NCOR2: variants seen among roughly 807,000 people sequenced by gnomAD.
The protein encoded by NCOR2 is CTG repeat protein 26.
A neutral mutation model predicts 262.9 loss-of-function variants in NCOR2; 81 were observed. The ratio of observed to expected loss-of-function variants is 0.31; its 90% CI spans 0.26 to 0.37. The LOEUF (loss-of-function observed/expected upper bound fraction) is 0.37. Ranked by LOEUF, NCOR2 falls within the 10% of genes least tolerant of loss-of-function variation. The probability of loss-of-function intolerance (pLI) is 1.00; values close to 1 mark genes in which losing one functional copy is unlikely to be tolerated. For missense variants in NCOR2, 3,385 were observed against 3,621.4 expected, an observed-to-expected ratio of 0.93 and a Z score of 1.68; for synonymous variants, 1,659 against 1,559.3, an observed-to-expected ratio of 1.06 and a Z score of -1.51.
chr12:124,329,486 A>C (rs753364195), intron 44 of NCOR2, among the ~76,000 whole-genome samples: 1 of 152,036 alleles, frequency 6.6e-6, no homozygotes, highest in East Asian at 1.9e-4. Context: ...AACAAACACA[A>C]AAAACAAAAA....
At chr12:124,411,207 T>G in intron 13 of NCOR2, among the ~76,000 whole-genome samples, 1 of 140,938 alleles carries the variant, frequency 7.1e-6, no homozygotes, top group Admixed American at 7.1e-5. Flanking sequence ...CACAGAGAAA[T>G]AGAAAGAGGG....
intron 5 of NCOR2, among the ~76,000 whole-genome samples, chr12:124,462,167 G>C (rs1316798955): frequency 2.0e-5 from 3 of 152,100 alleles, no homozygotes; most frequent in Non-Finnish European, 4.4e-5. Context: ...ATACACACGT[G>C]TACCCACAGG....
intron 1 of NCOR2, chr12:124,518,192 ACT>A (rs1461912800): frequency 6.6e-6 from 1 of 152,266 alleles, no homozygotes; most frequent in Non-Finnish European, 1.5e-5. Context: ...ACTTGAAGTA[ACT>A]CTCTCACAAG....
chr12:124,422,234 C>T (rs919098033), intron 12 of NCOR2, among the ~76,000 whole-genome samples: 4 of 152,230 alleles, frequency 2.6e-5, no homozygotes, highest in Non-Finnish European at 5.9e-5. Context: ...CCTGGCCGTG[C>T]AGCTCTCCCT....
At chr12:124,495,957 G>A (rs1396311682), upstream of NCOR2, among the ~76,000 whole-genome samples, 1 of 152,172 alleles carries the variant, frequency 6.6e-6, no homozygotes, top group East Asian at 1.9e-4. This position sits in a 1 kb window ranked among gnomAD's most constrained non-coding sequence, Gnocchi z 4.4. Context: ...GGTGGGATTA[G>A]GACATGGAGG....
In NCOR2 at chr12:124,454,870, A is replaced by G. The variant is rs2045749923; in HGVS notation, c.762+2236T>C. ...GCACACTAATGTTCACAGCAACTTTATTCACAATACCCCAAATATGCAAAC... is the reference window on the plus strand; with the variant it reads ...GCACACTAATGTTCACAGCAACTTTGTTCACAATACCCCAAATATGCAAAC... On this transcript the variant is annotated intron_variant, in intron 6 of 46. Coordinates refer to ENST00000405201, the Ensembl canonical transcript of NCOR2. The surrounding 1 kb of genome is among the most constrained non-coding windows in gnomAD (Gnocchi z 5.6). 6.6e-6 allele frequency among the ~76,000 whole-genome samples: 1 copy of G among 152,236 alleles called. No individual in the cohort carries two copies. The highest frequency in any genetic ancestry group is 1.5e-5 in the Non-Finnish European group (1 of 68,048).
In NCOR2 at chr12:124,517,927, G is replaced by T. The variant is rs1566018793; in HGVS notation, c.-118+17638C>A. Reference sequence around the variant, plus strand: ...TCCAGCTGCCCCCATTGGCTGACCTGCGGCCGGCCACTCAGCCCCCAGCCC... The same window carrying T: ...TCCAGCTGCCCCCATTGGCTGACCTTCGGCCGGCCACTCAGCCCCCAGCCC... On this transcript the variant is annotated intron_variant, in intron 1 of 46. Coordinates refer to the NCOR2 transcript ENST00000404621. The surrounding 1 kb of genome is among the most constrained non-coding windows in gnomAD (Gnocchi z 7.6). Among the ~76,000 whole-genome samples, 1 of 152,062 alleles carries T rather than the reference G, an allele frequency of 6.6e-6. No homozygotes were observed. The highest frequency in any genetic ancestry group is 2.4e-5 in the African/African-American group (1 of 41,408).
In NCOR2 at chr12:124,340,263, G is replaced by A. The variant is rs368053780; in HGVS notation, c.5488+31C>T. On this transcript the variant is annotated intron_variant, in intron 36 of 46. Coordinates refer to ENST00000405201, the Ensembl canonical transcript of NCOR2. ...CCTCTTGCGGCCCACAAGGAGTCCC[G>A]GAGCGGGGGGTGGGGGCTCTGATGC... 1.7e-4 allele frequency: 269 copies of A among 1,606,738 alleles called. No individual in the cohort carries two copies. The East Asian group carries it at 2.3e-3, about 14-fold the overall frequency.
chr12:124,489,089 G>A (rs1163247037), intron 1 of NCOR2, among the ~76,000 whole-genome samples: 2 of 151,986 alleles, frequency 1.3e-5, no homozygotes, highest in Non-Finnish European at 2.9e-5. Flanking sequence ...CCCCCAACAA[G>A]AGTACCTGGA....
At chr12:124,403,979 C>T (rs2042126169) in intron 13 of NCOR2, among the ~76,000 whole-genome samples, 2 of 152,034 alleles carry the variant, frequency 1.3e-5, no homozygotes, top group Admixed American at 1.3e-4. Flanking sequence ...CTGGAACAGA[C>T]CCCCCGGCCC....
intron 32 of NCOR2, 69 bp from the exon 35 acceptor site, chr12:124,343,295 G>A (rs1343918844): frequency 1.5e-6 from 2 of 1,315,416 alleles, no homozygotes; most frequent in East Asian, 5.0e-5. Context: ...TTTGAGGATA[G>A]GGACCTCGGG....
At chr12:124,468,126 A>C (rs1361189528) in intron 4 of NCOR2, among the ~76,000 whole-genome samples, 1 of 32,294 alleles carries the variant, frequency 3.1e-5, no homozygotes, top group Non-Finnish European at 5.3e-5. Context: ...TCACCCCTTC[A>C]TCCTCATCCT....
rs1593109676 is a variant in NCOR2, at chr12:124,337,423, A to G, written c.5688-243T>C. 8.7e-6 allele frequency: 6 copies of G among 686,446 alleles called. No individual in the cohort carries two copies. In the East Asian group the frequency reaches 1.4e-4, roughly 16 times the overall value. 42.5% of individuals were successfully genotyped at this position (686,446 alleles called of 1,614,324 possible). ...ATTAAGCAGCTACTAGGTGCCAGGC[A>G]CTGTTCTAGACACTGTGAATACAGC... is the stretch of plus-strand genomic sequence containing the variant. On this transcript the variant is annotated intron_variant, in intron 37 of 46. Transcript: ENST00000405201.
At chr12:124,554,191 G>T (rs963750678) in intron 1 of NCOR2, among the ~76,000 whole-genome samples, 5 of 152,238 alleles carry the variant, frequency 3.3e-5, no homozygotes, top group Non-Finnish European at 7.3e-5. Context: ...AAGCCCTTTT[G>T]CGTCTCTTTC....
chr12:124,339,945 C>T, intron 37 of NCOR2, 61 bp downstream of exon 39: 2 of 1,319,710 alleles, frequency 1.5e-6, no homozygotes, highest in East Asian at 4.2e-5. Context: ...CTTATCTGCT[C>T]ATCCTCCTAC....
chr12:124,401,936 G>A (rs568657581), intron 14 of NCOR2, among the ~76,000 whole-genome samples: 1 of 152,204 alleles, frequency 6.6e-6, no homozygotes, highest in Admixed American at 6.5e-5. Flanking sequence ...CGGTGAGGCT[G>A]TGCCTTGATC....
Position 124,457,080 on chromosome 12 carries a change from G to GC in NCOR2, c.762+25dup. On this transcript the variant is annotated intron_variant, in intron 6 of 46. Coordinates refer to ENST00000405201, the Ensembl canonical transcript of NCOR2. This position sits in a 1 kb window ranked among gnomAD's most constrained non-coding sequence, Gnocchi z 4.0. ...TCCAGCCACCCCCGCCCTCCCCTGA[G>GC]CCCCTGACCCTGTACCCCAGCTCAC... 7.6e-7 allele frequency: 1 copy of GC among 1,307,796 alleles called. No individual in the cohort carries two copies. Among genetic ancestry groups the GC allele is most frequent in the Non-Finnish European group, 1.0e-6 (1 of 967,204 alleles). The allele number at this position is 1,307,796 out of a possible 1,614,324, so 81.0% of individuals were successfully genotyped here. A position where few individuals can be genotyped will look rare whatever the true frequency, so the allele number is the denominator to read the frequency against.
At chr12:124,459,657 A>T (rs1219786491) in intron 5 of NCOR2, among the ~76,000 whole-genome samples, 1 of 152,122 alleles carries the variant, frequency 6.6e-6, no homozygotes, top group African/African-American at 2.4e-5. Flanking sequence ...GCAGGGAGCA[A>T]AGTGAAGTGC....
chr12:124,361,985 C>A, intron 22 of NCOR2, 141 bp downstream of exon 24: 1 of 759,978 alleles, frequency 1.3e-6, no homozygotes, highest in Middle Eastern at 4.4e-4. Flanking sequence ...CCTCCCCCTG[C>A]TCAACTGTTC....
Sources: gnomAD v4.1 joint callset for allele counts (sites outside exome capture counted in the v4.1 genomes callset) on GRCh38, gnomAD v4.1.1 for gene constraint, Gnocchi (gnomAD v3.1) non-coding constraint, MANE v1.5 for transcripts, NCBI Gene and HGNC (gene_info 2026-07-23, HGNC 2026-07-21) for gene names.